PHYH: variants seen among roughly 807,000 people sequenced by gnomAD.
PHYH encodes the protein phytanoyl-CoA 2-hydroxylase.
In PHYH, 32 loss-of-function variants were observed where a neutral mutation model predicts 38.5. The ratio of observed to expected loss-of-function variants is 0.83; its 90% CI spans 0.63 to 1.12. The LOEUF is 1.12. PHYH is among the 50% of genes most tolerant of loss of function. PHYH has a pLI of 0.00. For synonymous variants in PHYH, 166 were observed against 157.9 expected (o/e 1.05, Z -0.38); for missense variants, 426 against 434.8 (o/e 0.98, Z 0.18).
rs747694906 is a variant in PHYH at position 13,288,492 on chromosome 10, G to A, written c.546C>T (p.Pro182=). ...AAACGATGAGATCGCTGGGCCTGAA[G>A]GGGAAATAGTGCAGGTCCTGGTGCA... ...HPLHQDLHYF[P]FRPSDLIVCA... is the part of the protein sequence containing the mutation. Residue 182 remains proline, a synonymous_variant, in exon 6 of 9, where the codon CCC becomes CCT. Transcript: ENST00000263038. The A allele has an allele frequency of 1.2e-6, 2 of 1,614,230 alleles. No individual in the cohort carries two copies. The highest frequency in any genetic ancestry group is 1.7e-6 in the Non-Finnish European group (2 of 1,180,042).
At chr10:13,287,832 A>C (rs1835591432) in intron 6 of PHYH, among the ~76,000 whole-genome samples, 1 of 152,140 alleles carries the variant, frequency 6.6e-6, no homozygotes, top group South Asian at 2.1e-4. Flanking sequence ...TAGGACTTAC[A>C]ATCTCGGATC....
chr10:13,286,436 C>T (rs1014266769), intron 6 of PHYH, among the ~76,000 whole-genome samples: 5 of 152,132 alleles, frequency 3.3e-5, no homozygotes, highest in Admixed American at 1.3e-4. Flanking sequence ...CTACTGTTGG[C>T]CAGGCGCGGT....
intron 8 of PHYH, among the ~76,000 whole-genome samples, 177 bp downstream of exon 8, chr10:13,280,799 G>A (rs945392888): frequency 5.3e-5 from 8 of 152,264 alleles, no homozygotes; most frequent in Admixed American, 4.6e-4. Flanking sequence ...CCTGCACGGG[G>A]GCACAAGTGT....
Position 13,298,264 on chromosome 10 carries a change from C to T in PHYH, c.76-19G>A. 6 of 1,551,666 alleles carry T rather than the reference C, an allele frequency of 3.9e-6. No individual in the cohort carries two copies. The highest frequency in any genetic ancestry group is 5.3e-6 in the Non-Finnish European group (6 of 1,123,646). ...GAGCTACCTAGGATGTGAATTAAGG[C>T]AAATAAAGTAAAATATAGAAGGCCA... On this transcript the variant is annotated intron_variant, in intron 1 of 8. Transcript: ENST00000263038.
intron 2 of PHYH, among the ~76,000 whole-genome samples, chr10:13,296,369 G>A (rs1361070012): frequency 6.6e-6 from 1 of 151,568 alleles, no homozygotes. Context: ...CTGAGGTCGG[G>A]AGTTCGAGAC....
chr10:13,294,717 G>A, intron 3 of PHYH, 121 bp from the exon 4 acceptor site: 1 of 767,644 alleles, frequency 1.3e-6, no homozygotes, highest in Admixed American at 2.0e-5. Flanking sequence ...TTGGCCTCCA[G>A]CTTGAGGTAG....
chr10:13,287,356 A>G (rs1835578439), intron 6 of PHYH, among the ~76,000 whole-genome samples: 1 of 152,086 alleles, frequency 6.6e-6, no homozygotes, highest in African/African-American at 2.4e-5. Flanking sequence ...AAAACAAAAC[A>G]CAACAAAAAA....
intron 4 of PHYH, among the ~76,000 whole-genome samples, chr10:13,294,188 C>T (rs897042847): frequency 3.9e-5 from 6 of 152,044 alleles, no homozygotes; most frequent in South Asian, 2.1e-4. Context: ...GGCAACAGAG[C>T]GAGACTCTGT....
At chr10:13,281,742 T>C (rs1208650187) in intron 7 of PHYH, among the ~76,000 whole-genome samples, 1 of 152,170 alleles carries the variant, frequency 6.6e-6, no homozygotes, top group East Asian at 1.9e-4. Flanking sequence ...TCGTTAAAAC[T>C]TACCTTTTTT....
chr10:13,295,317 G>A (rs923180011), intron 3 of PHYH, 179 bp downstream of exon 3: 1 of 590,156 alleles, frequency 1.7e-6, no homozygotes, highest in Admixed American at 2.8e-5. Context: ...AACAGAGTGA[G>A]AACCTTTCTC....
intron 5 of PHYH, 72 bp downstream of exon 5, chr10:13,291,759 A>G (rs1172143345): frequency 6.1e-6 from 6 of 978,320 alleles, no homozygotes; most frequent in Admixed American, 3.5e-5. Flanking sequence ...GATTACAGGC[A>G]TGAGTTACTG....
At position 13,294,402 on chromosome 10, in the gene PHYH, G is replaced by A. The variant is rs201659575; in HGVS notation, c.414+26C>T. 2.3e-4 allele frequency: 367 copies of A among 1,611,800 alleles called. 1 individual carries two copies. Among genetic ancestry groups the A allele is most frequent in the Non-Finnish European group, 3.5e-5 (41 of 1,178,442 alleles). ...AGACATACACACTGGCAATTAAGCC[G>A]ACGCAAAGCAAGGGTGGTCTCTGAC... is the stretch of plus-strand genomic sequence containing the variant. On this transcript the variant is annotated intron_variant, in intron 4 of 8. Transcript: ENST00000263038.
rs936772963 is a variant in PHYH at position 13,298,107 on chromosome 10, T to C, written c.134+80A>G. 12 of 825,624 alleles carry C rather than the reference T, an allele frequency of 1.5e-5. No homozygotes were observed. In the African/African-American group the frequency reaches 2.1e-4, roughly 14 times the overall value. The allele number at this position is 825,624 out of a possible 1,614,324, so 51.1% of individuals were successfully genotyped here. On this transcript the variant is annotated intron_variant, in intron 2 of 8. Coordinates refer to ENST00000263038, the MANE Select transcript of PHYH (RefSeq NM_006214.4). ...AATAAAATTCTAATCAGGTAACATA[T>C]TATGTGGTATATCTTCATTACCACT...
At chr10:13,295,403 A>C in intron 3 of PHYH, 93 bp downstream of exon 3, 1 of 763,954 alleles carries the variant, frequency 1.3e-6, no homozygotes, top group Non-Finnish European at 2.4e-6. Context: ...ATCATTAAAA[A>C]ACATCTGTAA....
At chr10:13,284,673 A>T (rs1360747791) in intron 6 of PHYH, among the ~76,000 whole-genome samples, 1 of 152,238 alleles carries the variant, frequency 6.6e-6, no homozygotes, top group African/African-American at 2.4e-5. Context: ...ATCCAGAATA[A>T]TGAAAGAATA....
At chr10:13,284,451 A>G (rs923417743) in intron 6 of PHYH, among the ~76,000 whole-genome samples, 1 of 152,160 alleles carries the variant, frequency 6.6e-6, no homozygotes, top group Non-Finnish European at 1.5e-5. Flanking sequence ...GATCTAGCTT[A>G]GCTTTGCCTT....
chr10:13,298,821 G>C (rs1237520387), intron 1 of PHYH, among the ~76,000 whole-genome samples: 2 of 146,658 alleles, frequency 1.4e-5, no homozygotes, highest in Non-Finnish European at 1.5e-5. Flanking sequence ...GGCTGAGGCA[G>C]GGGAATGGCT....
chr10:13,297,927 T>C (rs530306164), intron 2 of PHYH, among the ~76,000 whole-genome samples: 1 of 151,778 alleles, frequency 6.6e-6, no homozygotes, highest in Non-Finnish European at 1.5e-5. Flanking sequence ...AGGGCCCGTC[T>C]CTATTAAAAA....
At chr10:13,279,475 C>G (rs183377156) in intron 8 of PHYH, among the ~76,000 whole-genome samples, 1 of 152,248 alleles carries the variant, frequency 6.6e-6, no homozygotes, top group South Asian at 2.1e-4. Context: ...TTTGAGCAAA[C>G]AGCAAGGTAT....
Sources: allele counts gnomAD v4.1 joint callset (sites outside exome capture counted in the v4.1 genomes callset), GRCh38; gene constraint gnomAD v4.1.1; transcripts MANE v1.5; gene names NCBI Gene and HGNC (gene_info 2026-07-23, HGNC 2026-07-21).